The following EIF3J variants were observed in gnomAD, a reference collection of about 807,000 sequenced individuals.
EIF3J encodes eukaryotic translation initiation factor 3 subunit J, also known as eukaryotic translation initiation factor 3, subunit 1 (alpha, 35kD).
EIF3J carries 15 observed loss-of-function variants against 39.0 expected under a neutral mutation model. That is an observed-to-expected ratio of 0.38 (90% CI 0.26 to 0.59). EIF3J has a LOEUF of 0.59. Among genes scored for constraint, EIF3J ranks in the 20% least tolerant of loss-of-function variants. The pLI, the probability that EIF3J is intolerant of heterozygous loss-of-function variation, is 0.60. For synonymous variants in EIF3J, 98 were observed against 112.9 expected, an observed-to-expected ratio of 0.87 and a Z score of 0.84; for missense variants, 226 against 308.6, an observed-to-expected ratio of 0.73 and a Z score of 2.00.
chr15:44,538,577 T>C (rs913596705), intron 2 of EIF3J, among the ~76,000 whole-genome samples: 1 of 152,188 alleles, frequency 6.6e-6, no homozygotes, highest in African/African-American at 2.4e-5. Flanking sequence ...CCCAGTCCGA[T>C]GAGGTTGGAT....
chr15:44,548,202 G>A (rs531627460), intron 2 of EIF3J, among the ~76,000 whole-genome samples: 1 of 152,238 alleles, frequency 6.6e-6, no homozygotes, highest in South Asian at 2.1e-4. Context: ...ATCACCTGAT[G>A]TCAGGAGTTC....
At position 44,561,730 on chromosome 15, in the gene EIF3J, GA is replaced by G. The variant is rs2082198921; in HGVS notation, c.*583del. ...AAAATGACCAAAACCCTCCAACTTT[GA>G]AGCTAAAGAAGGTAAACCTTTCCAT... is the stretch of plus-strand genomic sequence containing the variant. On this transcript the variant is annotated 3_prime_UTR_variant, in exon 8 of 8. Coordinates refer to ENST00000261868, the MANE Select transcript of EIF3J (RefSeq NM_003758.4). 6.6e-6 allele frequency: 1 copy of G among 152,504 alleles called. No homozygotes were observed. The highest frequency in any genetic ancestry group is 2.1e-4 in the South Asian group (1 of 4,834). The allele number at this position is 152,504 out of a possible 1,614,324, so 9.4% of individuals were successfully genotyped here. A position where few individuals can be genotyped will look rare whatever the true frequency, so the allele number is the denominator to read the frequency against.
chr15:44,550,644 AAC>A, intron 2 of EIF3J: 1 of 353,526 alleles, frequency 2.8e-6, no homozygotes, highest in East Asian at 4.4e-5. Flanking sequence ...ATCACTTTAA[AAC>A]ACTTCTGAAA....
intron 2 of EIF3J, among the ~76,000 whole-genome samples, chr15:44,540,781 TA>T (rs2082008808): frequency 6.6e-6 from 1 of 152,230 alleles, no homozygotes; most frequent in Non-Finnish European, 1.5e-5. Context: ...TTGTACTTTT[TA>T]TGAGGAGTTG....
intron 2 of EIF3J, among the ~76,000 whole-genome samples, chr15:44,549,996 G>A (rs1040119700): frequency 2.0e-5 from 3 of 150,808 alleles, no homozygotes; most frequent in Non-Finnish European, 4.4e-5. Context: ...GCATAAATTT[G>A]TTGGGATGCA....
Position 44,561,227 on chromosome 15 carries a change from G to A in EIF3J, c.*78G>A. 6.7e-7 allele frequency: 1 copy of A among 1,496,454 alleles called. No individual in the cohort carries two copies. 92.7% of individuals were successfully genotyped at this position (1,496,454 alleles called of 1,614,324 possible). The stretch of plus-strand genomic sequence containing the variant: ...TGTAGCACAACTTCCTTTCCTTTCA[G>A]TTCTGCCAAATGCTACAATCAGAAG... On this transcript the variant is annotated 3_prime_UTR_variant, in exon 8 of 8. Transcript: ENST00000261868.
At chr15:44,538,355 A>G (rs943501901) in intron 2 of EIF3J, among the ~76,000 whole-genome samples, 1 of 152,172 alleles carries the variant, frequency 6.6e-6, no homozygotes, top group Non-Finnish European at 1.5e-5. Context: ...CTTATTAACA[A>G]AGTTCTCAAA....
intron 3 of EIF3J, 80 bp from the exon 4 acceptor site, chr15:44,551,351 G>T (rs1440379570): frequency 3.3e-6 from 3 of 907,356 alleles, no homozygotes; most frequent in Non-Finnish European, 3.4e-6. Flanking sequence ...TCTCTTAATA[G>T]TATACAAGTA....
At chr15:44,542,826 T>A (rs1343498878) in intron 2 of EIF3J, among the ~76,000 whole-genome samples, 1 of 152,172 alleles carries the variant, frequency 6.6e-6, no homozygotes, top group Non-Finnish European at 1.5e-5. Flanking sequence ...GCAGCCTGGG[T>A]GATTCTTTTG....
In EIF3J at chr15:44,562,503, T is replaced by G. The variant is rs1179264177; in HGVS notation, c.*1354T>G. 1 of 152,782 alleles carries G rather than the reference T, an allele frequency of 6.5e-6. No individual in the cohort carries two copies. The highest frequency in any genetic ancestry group is 3.4e-3 in the Middle Eastern group (1 of 294). The allele number at this position is 152,782 out of a possible 1,614,324, so 9.5% of individuals were successfully genotyped here. A position where few individuals can be genotyped will look rare whatever the true frequency, so the allele number is the denominator to read the frequency against. On this transcript the variant is annotated 3_prime_UTR_variant, in exon 8 of 8. Transcript: ENST00000261868. ...GAAAGAACAAAAAATGTTTTAAATT[T>G]CTCTTATATAGGAAATAATAGGAAC...
At chr15:44,551,596 C>T in intron 4 of EIF3J, 74 bp downstream of exon 4, 1 of 1,163,784 alleles carries the variant, frequency 8.6e-7, no homozygotes, top group Middle Eastern at 2.0e-4. Flanking sequence ...GCAAATATTA[C>T]CTAGGAATTT....
At chr15:44,558,289 A>G (rs2082161414) in intron 6 of EIF3J, among the ~76,000 whole-genome samples, 1 of 152,086 alleles carries the variant, frequency 6.6e-6, no homozygotes, top group Non-Finnish European at 1.5e-5. Context: ...AGCTCACTGC[A>G]ACTTCTGCCT....
At chr15:44,547,440 CTTTTT>C (rs986408245) in intron 2 of EIF3J, among the ~76,000 whole-genome samples, 1 of 92,528 alleles carries the variant, frequency 1.1e-5, no homozygotes, top group Non-Finnish European at 2.0e-5. Context: ...GGCCTTGATT[CTTTTT>C]TTTTTTTTTT....
chr15:44,559,820 T>A (rs2082176994), intron 6 of EIF3J, among the ~76,000 whole-genome samples: 1 of 151,370 alleles, frequency 6.6e-6, no homozygotes, highest in Non-Finnish European at 1.5e-5. Context: ...TTGTTTAGAC[T>A]GAGGAAGGAT....
At chr15:44,542,932 CAA>C (rs1284249282) in intron 2 of EIF3J, among the ~76,000 whole-genome samples, 1 of 152,146 alleles carries the variant, frequency 6.6e-6, no homozygotes, top group African/African-American at 2.4e-5. Context: ...TCTCTTGAAC[CAA>C]ATAACCATTT....
chr15:44,560,074 T>C (rs565714452), intron 6 of EIF3J, among the ~76,000 whole-genome samples, 175 bp from the exon 7 acceptor site: 67 of 152,190 alleles, frequency 4.4e-4, no homozygotes, highest in Non-Finnish European at 8.1e-4. Flanking sequence ...AGAGGAGAAA[T>C]TCATGGTCCT....
Position 44,562,545 on chromosome 15 carries a change from C to T in EIF3J, c.*1396C>T, listed in dbSNP as rs2082213386. 1 of 152,992 alleles carries T rather than the reference C, an allele frequency of 6.5e-6. No individual in the cohort carries two copies. Among genetic ancestry groups the T allele is most frequent in the Admixed American group, 6.5e-5 (1 of 15,296 alleles). 9.5% of individuals were successfully genotyped at this position (152,992 alleles called of 1,614,324 possible). A position where few individuals can be genotyped will look rare whatever the true frequency, so the allele number is the denominator to read the frequency against. ...AATAGGAACGTCAAAGCTCTGTATACCTACTAAGTGGAAAACAAGACCATC... is the reference window on the plus strand; with the variant it reads ...AATAGGAACGTCAAAGCTCTGTATATCTACTAAGTGGAAAACAAGACCATC... On this transcript the variant is annotated 3_prime_UTR_variant, in exon 8 of 8. Coordinates refer to ENST00000261868, the MANE Select transcript of EIF3J (RefSeq NM_003758.4).
chr15:44,540,379 C>T (rs963016968), intron 2 of EIF3J, among the ~76,000 whole-genome samples: 2 of 150,764 alleles, frequency 1.3e-5, no homozygotes, highest in Admixed American at 1.3e-4. Flanking sequence ...GCTGGGATTA[C>T]AGATGTGAGC....
chr15:44,549,187 A>G (rs1466566967), intron 2 of EIF3J, among the ~76,000 whole-genome samples: 1 of 150,890 alleles, frequency 6.6e-6, no homozygotes, highest in Non-Finnish European at 1.5e-5. Context: ...TGAGGTTGGG[A>G]GTTCGAGATC....
Sources: gnomAD v4.1 joint callset for allele counts (sites outside exome capture counted in the v4.1 genomes callset) on GRCh38, gnomAD v4.1.1 for gene constraint, MANE v1.5 for transcripts, NCBI Gene and HGNC (gene_info 2026-07-23, HGNC 2026-07-21) for gene names.